The following IPCEF1 variants were observed in gnomAD, a reference collection of about 807,000 sequenced individuals.
The protein encoded by IPCEF1 is interactor protein for cytohesin exchange factors 1.
A neutral mutation model predicts 50.9 loss-of-function variants in IPCEF1; 31 were observed. That is an observed-to-expected ratio of 0.61 (90% CI 0.46 to 0.82). The LOEUF is 0.82. Ranked by LOEUF, IPCEF1 falls within the 40% of genes least tolerant of loss-of-function variation. The pLI is 0.00. For missense variants in IPCEF1, 458 were observed against 514.0 expected (o/e 0.89, Z 1.05); for synonymous variants, 181 against 192.0 (o/e 0.94, Z 0.47).
At chr6:154,221,474 C>A in intron 6 of IPCEF1, 146 bp from the exon 7 acceptor site, 1 of 662,086 alleles carries the variant, frequency 1.5e-6, no homozygotes, top group Non-Finnish European at 2.6e-6. Flanking sequence ...ATATTAGATA[C>A]CTATTGTCTA....
chr6:154,261,638 C>T (rs1372511859), intron 3 of IPCEF1, among the ~76,000 whole-genome samples: 1 of 152,154 alleles, frequency 6.6e-6, no homozygotes, highest in Admixed American at 6.5e-5. Context: ...ATCAGGTAAA[C>T]AACTCAGCTT....
rs946217411 is a variant in IPCEF1 at position 154,256,537 on chromosome 6, G to C, written c.37-9049C>G. On this transcript the variant is annotated intron_variant, in intron 3 of 11. Transcript: ENST00000367220. ...TCTTTCTCTCTGTGTCTCTGTCTCC[G>C]TCTCTCTCTCTCTCTCTCTCTCTCT... Among the ~76,000 whole-genome samples, 7 of 146,122 alleles carry C rather than the reference G, an allele frequency of 4.8e-5. No individual in the cohort carries two copies. In the South Asian group the frequency reaches 6.7e-4, roughly 14 times the overall value.
intron 5 of IPCEF1, among the ~76,000 whole-genome samples, chr6:154,232,338 T>A (rs1317563210): frequency 6.6e-6 from 1 of 152,184 alleles, no homozygotes; most frequent in Admixed American, 6.5e-5. Flanking sequence ...TTGGAATCCT[T>A]TTAAGAAATA....
chr6:154,214,187 T>A (rs752016121), intron 8 of IPCEF1, 31 bp downstream of exon 8: 2 of 1,446,462 alleles, frequency 1.4e-6, no homozygotes, highest in South Asian at 2.3e-5. Flanking sequence ...ATATTCTTGC[T>A]AAATTTTCAG....
intron 1 of IPCEF1, among the ~76,000 whole-genome samples, chr6:154,333,183 G>C (rs553660101): frequency 6.6e-6 from 1 of 152,162 alleles, no homozygotes; most frequent in South Asian, 2.1e-4. Flanking sequence ...GATTAATACT[G>C]AGTGTCAACT....
intron 2 of IPCEF1, among the ~76,000 whole-genome samples, chr6:154,275,327 G>A (rs1444604227): frequency 6.6e-6 from 1 of 152,196 alleles, no homozygotes; most frequent in African/African-American, 2.4e-5. Context: ...GGAAACATTG[G>A]TAGCTCCTAG....
chr6:154,210,182 C>T (rs1221216304), intron 9 of IPCEF1, among the ~76,000 whole-genome samples: 1 of 152,178 alleles, frequency 6.6e-6, no homozygotes, highest in South Asian at 2.1e-4. Flanking sequence ...TATGGCTACT[C>T]GGTTGCTTTT....
chr6:154,323,060 G>T (rs921410453), intron 1 of IPCEF1, among the ~76,000 whole-genome samples: 7 of 152,252 alleles, frequency 4.6e-5, no homozygotes, highest in Admixed American at 3.3e-4. Context: ...TTTTAAACAA[G>T]AGATTCCAGC....
rs759582909 is a variant in IPCEF1, at chr6:154,160,066, G to A, written c.1105-26C>T. The A allele has an allele frequency of 1.9e-6, 3 of 1,554,176 alleles. No individual in the cohort carries two copies. In the Admixed American group the frequency reaches 5.2e-5, roughly 27 times the overall value. On this transcript the variant is annotated intron_variant, in intron 11 of 11. Coordinates refer to ENST00000367220, the MANE Select transcript of IPCEF1 (RefSeq NM_001130700.2). Reference sequence around the variant, plus strand: ...CTGTGTGAGTAGAAAAAAAGGGGAAGGGGGTATGTTGAGAGTGTCTTAATT... The same window carrying A: ...CTGTGTGAGTAGAAAAAAAGGGGAAAGGGGTATGTTGAGAGTGTCTTAATT...
intron 10 of IPCEF1, among the ~76,000 whole-genome samples, chr6:154,192,318 C>CTGTGTGTTTGTGTGTGTG (rs374502866): frequency 8.8e-5 from 13 of 148,028 alleles, no homozygotes; most frequent in African/African-American, 2.8e-4. Context: ...CACGTGGTTA[C>CTGTGTGTTTGTGTGTGTG]TGTGTGTGTG....
At chr6:154,356,448 AGAGT>A (rs1474340729) in intron 1 of IPCEF1, among the ~76,000 whole-genome samples, 3 of 152,244 alleles carry the variant, frequency 2.0e-5, no homozygotes, top group African/African-American at 7.2e-5. Context: ...ACATAAAAGC[AGAGT>A]GAGTACACAA....
rs1319792051 is a variant in IPCEF1 at position 154,199,903 on chromosome 6, T to C, written c.675A>G (p.Thr225=). Residue 225 remains threonine (T), a synonymous_variant, in exon 10 of 12, where the codon ACA becomes ACG. Transcript: ENST00000367220. ...CTTCAGCAGCAGACAAACTGTTAAC[T>C]GTGTCAGGCAAGGATTGTCTCTCTT... ...LSKERQSLPD[T]VNSLSAAEDE... is the part of the protein sequence containing the mutation. 2 of 1,614,214 alleles carry C rather than the reference T, an allele frequency of 1.2e-6. No homozygotes were observed. Among genetic ancestry groups the C allele is most frequent in the Admixed American group, 3.3e-5 (2 of 60,026 alleles).
At chr6:154,244,311 T>TGA (rs147730157) in intron 5 of IPCEF1, among the ~76,000 whole-genome samples, 2 of 151,150 alleles carry the variant, frequency 1.3e-5, no homozygotes, top group Non-Finnish European at 3.0e-5. Context: ...GGTGTGTGTG[T>TGA]GTGTGTGTGT....
intron 10 of IPCEF1, among the ~76,000 whole-genome samples, chr6:154,179,064 A>T (rs1800607671): frequency 6.6e-6 from 1 of 152,192 alleles, no homozygotes; most frequent in Admixed American, 6.5e-5. Flanking sequence ...GGGACATTAC[A>T]TTGTTTTTAT....
At chr6:154,321,809 A>C (rs1783388193) in intron 1 of IPCEF1, among the ~76,000 whole-genome samples, 1 of 147,682 alleles carries the variant, frequency 6.8e-6, no homozygotes, top group Admixed American at 6.8e-5. Flanking sequence ...AAAAAAAACC[A>C]AGGAACCTTA....
intron 5 of IPCEF1, among the ~76,000 whole-genome samples, chr6:154,245,362 A>G (rs1394722082): frequency 3.3e-5 from 5 of 152,274 alleles, no homozygotes; most frequent in East Asian, 1.9e-4. Context: ...AGCTGGAGCA[A>G]TAAGTTTGGG....
intron 1 of IPCEF1, among the ~76,000 whole-genome samples, chr6:154,326,055 A>T (rs1783510116): frequency 6.6e-6 from 1 of 151,904 alleles, no homozygotes; most frequent in Admixed American, 6.6e-5. Flanking sequence ...GCAAAACCCC[A>T]TCTCTACAAA....
At chr6:154,310,927 T>C (rs1211569710) in intron 1 of IPCEF1, among the ~76,000 whole-genome samples, 1 of 152,154 alleles carries the variant, frequency 6.6e-6, no homozygotes, top group African/African-American at 2.4e-5. Flanking sequence ...GAGTAAGTGT[T>C]GGTGTTGTAT....
At chr6:154,161,358 G>A (rs563058211) in intron 11 of IPCEF1, among the ~76,000 whole-genome samples, 2 of 151,980 alleles carry the variant, frequency 1.3e-5, no homozygotes, top group South Asian at 4.2e-4. Context: ...TTACAGGCAT[G>A]CACCACCATG....
Sources: gnomAD v4.1 joint callset for allele counts (sites outside exome capture counted in the v4.1 genomes callset) on GRCh38, gnomAD v4.1.1 for gene constraint, MANE v1.5 for transcripts, NCBI Gene and HGNC (gene_info 2026-07-23, HGNC 2026-07-21) for gene names.